Variants in BRF1 observed in about 807,000 individuals in gnomAD.
BRF1 encodes the protein transcription factor IIIB 90 kDa subunit.
Under a neutral mutation model 81.7 loss-of-function variants are expected in BRF1, and 59 were observed. The ratio of observed to expected loss-of-function variants is 0.72; its 90% confidence interval spans 0.59 to 0.90. The LOEUF (loss-of-function observed/expected upper bound fraction) is 0.90. BRF1 is among the 40% of genes least tolerant of loss of function. The probability of loss-of-function intolerance (pLI) is 0.00; values close to 1 mark genes in which losing one functional copy is unlikely to be tolerated. For missense variants in BRF1, 1,050 were observed against 936.3 expected (o/e 1.12, Z -1.58); for synonymous variants, 491 against 395.6 (o/e 1.24, Z -2.86).
At chr14:105,274,322 GGTGCCGGTGCAGGTCCTTGGTATGCTGA>G (rs2056786690) in intron 2 of BRF1, among the ~76,000 whole-genome samples, 1 of 152,134 alleles carries the variant, frequency 6.6e-6, no homozygotes, top group Admixed American at 6.5e-5. Flanking sequence ...CTCAGAGACC[GGTGCCGGTGCAGGTCCTTGGTATGCTGA>G]GTGCCGGTCC....
intron 5 of BRF1, chr14:105,251,088 A>G (rs1360560162): frequency 4.8e-6 from 1 of 208,654 alleles, no homozygotes; most frequent in African/African-American, 2.3e-5. Flanking sequence ...GTTGCCTAAA[A>G]TAACACCCAC....
rs942336944 is a variant in BRF1, at chr14:105,300,928, A to C, written c.-299T>G. 1.3e-5 allele frequency: 2 copies of C among 156,802 alleles called. No homozygotes were observed. Among genetic ancestry groups the C allele is most frequent in the African/African-American group, 4.8e-5 (2 of 41,384 alleles). 9.7% of individuals were successfully genotyped at this position (156,802 alleles called of 1,614,324 possible). ...CTCCCTTGCGGCGCGCCGGCGTCGG[A>C]GGGGCGACCTGCGGGGGCTGGGCTT... is the stretch of plus-strand genomic sequence containing the variant. On this transcript the variant is annotated 5_prime_UTR_variant, in exon 1 of 18. Coordinates refer to ENST00000547530, the MANE Select transcript of BRF1 (RefSeq NM_001519.4).
chr14:105,272,718 T>C lies in BRF1; in HGVS notation c.439+3A>G. 2 of 1,602,246 alleles carry C rather than the reference T, an allele frequency of 1.2e-6. No individual in the cohort carries two copies. The highest frequency in any genetic ancestry group is 1.7e-6 in the Non-Finnish European group (2 of 1,171,064). ...TCTGGGAGGCTCTCAAACCAAAGGA[T>C]ACGCGGCGTGCCCTCCGTACGGCAG... is the stretch of plus-strand genomic sequence containing the variant. On this transcript the variant is annotated splice_donor_region_variant and intron_variant, in intron 3 of 17. Transcript: ENST00000547530.
At chr14:105,311,786 C>A (rs766644172) in intron 1 of BRF1, among the ~76,000 whole-genome samples, 2 of 152,190 alleles carry the variant, frequency 1.3e-5, no homozygotes. Flanking sequence ...ACATGGCTTC[C>A]CAGAAAATGC....
rs1006413641 is a variant in BRF1 at position 105,209,443 on chromosome 14, C to A, written c.*1108G>T. 5 of 695,156 alleles carry A rather than the reference C, an allele frequency of 7.2e-6. No individual in the cohort carries two copies. In the African/African-American group the frequency reaches 8.8e-5, roughly 12 times the overall value. The allele number at this position is 695,156 out of a possible 1,614,324, so 43.1% of individuals were successfully genotyped here. On this transcript the variant is annotated 3_prime_UTR_variant, in exon 18 of 18. Transcript: ENST00000547530. ...GCCAAGTTGGGGCAGGACATACAGC[C>A]CATTCCATGGGGAGGATGAGGCCCC...
chr14:105,249,580 G>A, intron 5 of BRF1: 1 of 1,585,104 alleles, frequency 6.3e-7, no homozygotes, highest in Non-Finnish European at 8.6e-7. Flanking sequence ...CCTCTCCCAG[G>A]CCCAGCCCCG....
chr14:105,211,624 CG>C, intron 16 of BRF1: 4 of 367,290 alleles, frequency 1.1e-5, no homozygotes, highest in South Asian at 4.0e-5. Flanking sequence ...CCTCAGCCCC[CG>C]GGGGCTTGGC....
chr14:105,226,315 T>C, intron 8 of BRF1, 25 bp from the exon 9 acceptor site: 1 of 1,613,888 alleles, frequency 6.2e-7, no homozygotes, highest in Non-Finnish European at 8.5e-7. Flanking sequence ...GGCAAGAGGC[T>C]TCGTGAAGGG....
intron 2 of BRF1, among the ~76,000 whole-genome samples, 194 bp from the exon 3 acceptor site, chr14:105,273,088 T>C (rs1480595179): frequency 2.6e-5 from 4 of 152,384 alleles, no homozygotes; most frequent in Admixed American, 6.5e-5. Flanking sequence ...GTGATCTCCA[T>C]GTGCCATGAG....
rs970778132 is a variant in BRF1, at chr14:105,271,086, A to C, written c.439+1635T>G. Among the ~76,000 whole-genome samples the C allele has an allele frequency of 3.3e-5, 5 of 152,208 alleles. No homozygotes were observed. The highest frequency in any genetic ancestry group is 1.2e-4 in the African/African-American group (5 of 41,452). On this transcript the variant is annotated intron_variant, in intron 3 of 17. Transcript: ENST00000547530. This position sits in a 1 kb window ranked among gnomAD's most constrained non-coding sequence, Gnocchi z 5.5. ...GACCCAGAGCTCTTAGAGATGAAAA[A>C]CATGAAAGAAATGAAACAGCCTGCT...
In BRF1 at chr14:105,264,666, CAAAAAAAAA is replaced by C. The variant is rs56970432; in HGVS notation, c.439+8046_439+8054del. Among the ~76,000 whole-genome samples the C allele has an allele frequency of 4.1e-3, 249 of 60,796 alleles. 1 individual carries two copies. The highest frequency in any genetic ancestry group is 0.016 in the African/African-American group (230 of 14,552). 39.9% of individuals were successfully genotyped at this position (60,796 alleles called of 152,430 possible). On this transcript the variant is annotated intron_variant, in intron 3 of 17. Transcript: ENST00000547530. ...TGGGTGACAGAATGAGACTCCATCTCAAAAAAAAAAAAAAAAAAAAAAAAATTGAGTGGG... is the reference window on the plus strand; with the variant it reads ...TGGGTGACAGAATGAGACTCCATCTCAAAAAAAAAAAAAAAATTGAGTGGG...
Position 105,300,737 on chromosome 14 carries a change from C to A in BRF1, c.-108G>T. Reference sequence around the variant, plus strand: ...CCAGGCCCAGCCGCCCAGGCCTCGCCGCTCTCGCGAGGCCCCGCTCCAGCC... The same window carrying A: ...CCAGGCCCAGCCGCCCAGGCCTCGCAGCTCTCGCGAGGCCCCGCTCCAGCC... On this transcript the variant is annotated 5_prime_UTR_variant, in exon 1 of 18. Coordinates refer to ENST00000547530, the MANE Select transcript of BRF1 (RefSeq NM_001519.4). 1 of 903,370 alleles carries A rather than the reference C, an allele frequency of 1.1e-6. No individual in the cohort carries two copies. Among genetic ancestry groups the A allele is most frequent in the Non-Finnish European group, 1.4e-6 (1 of 699,642 alleles). The allele number at this position is 903,370 out of a possible 1,614,324, so 56.0% of individuals were successfully genotyped here. A position where few individuals can be genotyped will look rare whatever the true frequency, so the allele number is the denominator to read the frequency against.
chr14:105,267,247 T>G (rs911407005), intron 3 of BRF1, among the ~76,000 whole-genome samples: 1 of 151,682 alleles, frequency 6.6e-6, no homozygotes, highest in Non-Finnish European at 1.5e-5. Flanking sequence ...GGGGCCCACA[T>G]GGGCCCACGC....
chr14:105,241,497 C>T, intron 5 of BRF1, 83 bp from the exon 6 acceptor site: 8 of 1,559,910 alleles, frequency 5.1e-6, no homozygotes, highest in Non-Finnish European at 6.1e-6. Context: ...AGGGGTGGGG[C>T]AACCTGCACT....
chr14:105,248,977 G>A lies in BRF1; in HGVS notation c.544+3530C>T, dbSNP rs868389299. 52 of 981,866 alleles carry A rather than the reference G, an allele frequency of 5.3e-5. No individual in the cohort carries two copies. The highest frequency in any genetic ancestry group is 6.1e-5 in the Non-Finnish European group (51 of 829,608). 60.8% of individuals were successfully genotyped at this position (981,866 alleles called of 1,614,324 possible). A position where few individuals can be genotyped will look rare whatever the true frequency, so the allele number is the denominator to read the frequency against. ...AAGGCCGGGCCGCGCAGCCCGCCCA[G>A]CGCCCCCGCGCCAGCGCCGCCGCCG... On this transcript the variant is annotated intron_variant, in intron 5 of 17. Coordinates refer to ENST00000547530, the MANE Select transcript of BRF1 (RefSeq NM_001519.4).
rs780193505 is a variant in BRF1 at position 105,250,506 on chromosome 14, C to T, written c.544+2001G>A. 1.2e-6 allele frequency: 2 copies of T among 1,614,034 alleles called. No individual in the cohort carries two copies. Among genetic ancestry groups the T allele is most frequent in the Non-Finnish European group, 1.7e-6 (2 of 1,180,022 alleles). ...CAGGTTGAACAAGACACCTTCTACA[C>T]GGCCAGTGCCGTCCTGGACGGCAGC... On this transcript the variant is annotated intron_variant, in intron 5 of 17. Transcript: ENST00000547530.
chr14:105,226,936 CTG>C, intron 7 of BRF1, 176 bp from the exon 8 acceptor site: 3 of 729,166 alleles, frequency 4.1e-6, no homozygotes, highest in Non-Finnish European at 6.4e-6. Flanking sequence ...CAGTGAGACT[CTG>C]TCTCTACCCA....
chr14:105,247,074 T>C, intron 5 of BRF1: 3 of 985,460 alleles, frequency 3.0e-6, no homozygotes, highest in Non-Finnish European at 3.6e-6. Context: ...CCGTTACCTT[T>C]TTCTATGGAA....
intron 3 of BRF1, among the ~76,000 whole-genome samples, chr14:105,268,048 C>T (rs951637437): frequency 1.4e-4 from 22 of 152,264 alleles, no homozygotes. Context: ...GGTGATGGCA[C>T]CATCCACAGT....
Sources: gnomAD v4.1 joint callset for allele counts (sites outside exome capture counted in the v4.1 genomes callset) on GRCh38, gnomAD v4.1.1 for gene constraint, Gnocchi (gnomAD v3.1) non-coding constraint, MANE v1.5 for transcripts, NCBI Gene and HGNC (gene_info 2026-07-23, HGNC 2026-07-21) for gene names.